Variants in OSBP2 observed in about 807,000 individuals in gnomAD.
OSBP2 encodes the protein oxysterol-binding protein 2.
A neutral mutation model predicts 96.0 loss-of-function variants in OSBP2; 66 were observed. That is an observed-to-expected ratio of 0.69 (90% CI 0.56 to 0.84). The LOEUF is 0.84. Among genes scored for constraint, OSBP2 ranks in the 40% least tolerant of loss-of-function variants. The probability of loss-of-function intolerance (pLI) is 0.00; values close to 1 mark genes in which losing one functional copy is unlikely to be tolerated. For missense variants in OSBP2, 1,038 were observed against 1,222.7 expected, an observed-to-expected ratio of 0.85 and a Z score of 2.25; for synonymous variants, 525 against 520.9, an observed-to-expected ratio of 1.01 and a Z score of -0.11.
intron 12 of OSBP2, among the ~76,000 whole-genome samples, chr22:30,904,401 C>T (rs2040284298): frequency 6.6e-6 from 1 of 152,202 alleles, no homozygotes; most frequent in South Asian, 2.1e-4. Flanking sequence ...GCTTTCAGAT[C>T]ATCTACTTAC....
At chr22:30,717,174 C>T (rs2089476638) in intron 1 of OSBP2, among the ~76,000 whole-genome samples, 1 of 148,782 alleles carries the variant, frequency 6.7e-6, no homozygotes, top group Admixed American at 6.9e-5. Context: ...TGATCTTGAA[C>T]TCCTGGCCTC....
At chr22:30,716,044 CT>C (rs35254892) in intron 1 of OSBP2, among the ~76,000 whole-genome samples, 99,320 of 137,242 alleles carry the variant, frequency 0.72, 36,158 homozygotes, top group African/African-American at 0.83. Context: ...TTCTTTCTTT[CT>C]TTTTTTTTTT....
intron 1 of OSBP2, among the ~76,000 whole-genome samples, chr22:30,707,665 C>A (rs73400344): frequency 0.049 from 7,290 of 149,306 alleles, 607 homozygotes; most frequent in African/African-American, 0.17. Context: ...TGCAGTGAGT[C>A]GAGATCATGC....
At chr22:30,873,788 A>C (rs2039513776) in intron 3 of OSBP2, among the ~76,000 whole-genome samples, 2 of 152,184 alleles carry the variant, frequency 1.3e-5, no homozygotes, top group Non-Finnish European at 2.9e-5. Context: ...TGGAGCCTAA[A>C]ATGAGGGATG....
At chr22:30,782,193 C>T (rs1373563013) in intron 2 of OSBP2, among the ~76,000 whole-genome samples, 1 of 152,144 alleles carries the variant, frequency 6.6e-6, no homozygotes. Context: ...CTATAGTGTA[C>T]AGTCAGATAA....
At chr22:30,810,458 T>C (rs2090991072) in intron 2 of OSBP2, among the ~76,000 whole-genome samples, 1 of 152,118 alleles carries the variant, frequency 6.6e-6, no homozygotes. Flanking sequence ...AGAGCAGACC[T>C]GATGAGGTGA....
At chr22:30,866,046 G>A (rs1460277719) in intron 2 of OSBP2, among the ~76,000 whole-genome samples, 2 of 152,190 alleles carry the variant, frequency 1.3e-5, no homozygotes, top group South Asian at 2.1e-4. Context: ...TGATCAGTGC[G>A]AGTGAGAATG....
intron 2 of OSBP2, among the ~76,000 whole-genome samples, chr22:30,795,518 ATTTTTTT>A (rs136288): frequency 8.2e-6 from 1 of 122,300 alleles, no homozygotes; most frequent in Non-Finnish European, 1.7e-5. Context: ...TATCCAATGC[ATTTTTTT>A]TTTTTTTTTT....
intron 2 of OSBP2, among the ~76,000 whole-genome samples, chr22:30,847,292 T>G (rs547601357): frequency 1.3e-5 from 2 of 152,002 alleles, no homozygotes; most frequent in African/African-American, 4.8e-5. Flanking sequence ...TTCTTTTTTC[T>G]TTTTCCCTGA....
chr22:30,874,913 C>T (rs570879497), intron 3 of OSBP2, among the ~76,000 whole-genome samples: 7 of 152,272 alleles, frequency 4.6e-5, no homozygotes, highest in East Asian at 3.9e-4. Flanking sequence ...CATACGACCA[C>T]GTGGCACTTA....
intron 2 of OSBP2, chr22:30,803,098 GGCGGCA>G: frequency 1.4e-5 from 3 of 210,834 alleles, no homozygotes; most frequent in Non-Finnish European, 2.8e-5. Context: ...CGGCGGCGGC[GGCGGCA>G]GCAGCAGCAG....
At chr22:30,737,039 G>A (rs136357) in intron 1 of OSBP2, among the ~76,000 whole-genome samples, 8,804 of 151,900 alleles carry the variant, frequency 0.058, 268 homozygotes, top group Middle Eastern at 0.092. Context: ...TTTTTGAGAC[G>A]GAGTCTTGCT....
At chr22:30,853,506 G>C (rs1461408844) in intron 2 of OSBP2, among the ~76,000 whole-genome samples, 2 of 152,070 alleles carry the variant, frequency 1.3e-5, no homozygotes, top group East Asian at 3.9e-4. Context: ...GAAAACATAT[G>C]ATTGGTTATT....
chr22:30,706,440 ATTTAACAATCT>A (rs1173951555), intron 1 of OSBP2, among the ~76,000 whole-genome samples: 4 of 151,996 alleles, frequency 2.6e-5, no homozygotes, highest in Non-Finnish European at 4.4e-5. Context: ...TTTAATACCG[ATTTAACAATCT>A]TGACTCACAC....
intron 3 of OSBP2, among the ~76,000 whole-genome samples, chr22:30,885,565 G>C (rs1602414802): frequency 6.6e-6 from 1 of 152,238 alleles, no homozygotes; most frequent in Non-Finnish European, 1.5e-5. Flanking sequence ...GATGTAGCTT[G>C]GTAGAAAGTG....
intron 2 of OSBP2, among the ~76,000 whole-genome samples, chr22:30,855,698 A>G (rs1030091849): frequency 6.6e-6 from 1 of 152,134 alleles, no homozygotes. Flanking sequence ...TTCTAGCGCT[A>G]GTAGGCCTGG....
intron 2 of OSBP2, among the ~76,000 whole-genome samples, chr22:30,783,332 T>G (rs78433094): frequency 7.0e-6 from 1 of 142,638 alleles, no homozygotes; most frequent in Non-Finnish European, 1.5e-5. Context: ...TTTTTTTTTT[T>G]GGTGACAGAG....
Position 30,870,780 on chromosome 22 carries a change from C to A in OSBP2, c.1107+98C>A. The A allele has an allele frequency of 1.5e-6, 2 of 1,292,166 alleles. No individual in the cohort carries two copies. Among genetic ancestry groups the A allele is most frequent in the Non-Finnish European group, 2.1e-6 (2 of 932,716 alleles). The allele number at this position is 1,292,166 out of a possible 1,614,324, so 80.0% of individuals were successfully genotyped here. On this transcript the variant is annotated intron_variant, in intron 3 of 13. Coordinates refer to ENST00000332585, the MANE Select transcript of OSBP2 (RefSeq NM_030758.4). This position sits in a 1 kb window ranked among gnomAD's most constrained non-coding sequence, Gnocchi z 4.1. ...AGGGTCAGCTTGAAGGGTCAGCGTT[C>A]CATTTCCTGCGGTTCCACGGTGTTT...
At chr22:30,877,343 T>C (rs922004796) in intron 3 of OSBP2, among the ~76,000 whole-genome samples, 4 of 152,152 alleles carry the variant, frequency 2.6e-5, no homozygotes, top group African/African-American at 9.7e-5. Flanking sequence ...AGAAACCCCG[T>C]AGGACTATTA....
Sources: gnomAD v4.1 joint callset for allele counts (sites outside exome capture counted in the v4.1 genomes callset) on GRCh38, gnomAD v4.1.1 for gene constraint, Gnocchi (gnomAD v3.1) non-coding constraint, MANE v1.5 for transcripts, NCBI Gene and HGNC (gene_info 2026-07-23, HGNC 2026-07-21) for gene names.